EPS15: variants seen among roughly 807,000 people sequenced by gnomAD.
EPS15 encodes epidermal growth factor receptor pathway substrate 15, also known as epidermal growth factor receptor substrate 15.
In EPS15, 72 loss-of-function variants were observed where a neutral mutation model predicts 113.8. That is an observed-to-expected ratio of 0.63 (90% CI 0.52 to 0.77). EPS15 has a LOEUF of 0.77. Ranked by LOEUF, EPS15 falls within the 30% of genes least tolerant of loss-of-function variation. The pLI, the probability that EPS15 is intolerant of heterozygous loss-of-function variation, is 0.00. For missense variants in EPS15, 1,048 were observed against 1,045.8 expected (o/e 1.00, Z -0.03); for synonymous variants, 344 against 363.4 (o/e 0.95, Z 0.61).
intron 1 of EPS15, among the ~76,000 whole-genome samples, chr1:51,508,306 G>GAGAGAA: frequency 6.8e-5 from 9 of 132,888 alleles, no homozygotes; most frequent in African/African-American, 2.5e-4. Flanking sequence ...GAGAGAGAAA[G>GAGAGAA]AGAGAAAGAG....
At chr1:51,402,571 T>G (rs778052541) in intron 17 of EPS15, 46 bp from the exon 18 acceptor site, 3 of 998,166 alleles carry the variant, frequency 3.0e-6, no homozygotes. Context: ...AACCAAAGTT[T>G]TAAAAGGTAA....
At chr1:51,421,649 G>C in intron 13 of EPS15, 137 bp downstream of exon 13, 1 of 444,738 alleles carries the variant, frequency 2.2e-6, no homozygotes, top group Non-Finnish European at 3.8e-6. Context: ...TCTTGGAAAA[G>C]ATAAACATTT....
chr1:51,423,398 T>A, intron 12 of EPS15: 2 of 1,104,896 alleles, frequency 1.8e-6, no homozygotes, highest in Non-Finnish European at 2.2e-6. Flanking sequence ...GAAAAATTTC[T>A]GAAAATACCC....
intron 23 of EPS15, among the ~76,000 whole-genome samples, chr1:51,363,150 T>A (rs1481792270): frequency 2.0e-5 from 3 of 151,722 alleles, no homozygotes; most frequent in Non-Finnish European, 2.9e-5. Context: ...ATACAAAAAT[T>A]AGCCAGGCAT....
intron 1 of EPS15, among the ~76,000 whole-genome samples, chr1:51,508,385 A>AAAGAAAGAGAGAAAGAAAGAAAGG (rs1557537547): frequency 6.8e-5 from 10 of 146,268 alleles, no homozygotes; most frequent in Admixed American, 1.3e-4. Context: ...AGAAAGAAAG[A>AAAGAAAGAGAGAAAGAAAGAAAGG]GAAAATTTAA....
In EPS15 at chr1:51,356,549, A is replaced by C. The variant is rs2148333727; in HGVS notation, c.*151T>G. On this transcript the variant is annotated 3_prime_UTR_variant, in exon 25 of 25. Transcript: ENST00000371733. Reference sequence around the variant, plus strand: ...AAAAAAGACGAATCTGTAATGAAGAAAAAAAAAAAATCCTAAAATTTTGTC... The same window carrying C: ...AAAAAAGACGAATCTGTAATGAAGACAAAAAAAAAATCCTAAAATTTTGTC... 1.6e-6 allele frequency: 1 copy of C among 608,994 alleles called. No homozygotes were observed. Among genetic ancestry groups the C allele is most frequent in the Non-Finnish European group, 2.5e-6 (1 of 392,404 alleles). 37.7% of individuals were successfully genotyped at this position (608,994 alleles called of 1,614,324 possible).
At chr1:51,377,118 A>T (rs1646818644) in intron 21 of EPS15, among the ~76,000 whole-genome samples, 2 of 152,140 alleles carry the variant, frequency 1.3e-5, no homozygotes, top group Admixed American at 6.5e-5. Flanking sequence ...AATACAAAAA[A>T]TTAGCTGAGC....
intron 12 of EPS15, among the ~76,000 whole-genome samples, chr1:51,430,735 C>T (rs962924551): frequency 5.3e-5 from 8 of 151,924 alleles, no homozygotes; most frequent in Non-Finnish European, 7.4e-5. Context: ...GTGGGAGGAC[C>T]ACTTGAGCCA....
Position 51,356,873 on chromosome 1 carries a change from A to G in EPS15, c.2545-27T>C, listed in dbSNP as rs1322142855. ...TGCCATTTAAAAGATCGATGAACAA[A>G]CGAATAAATAAATGAGTAAAGCAAG... On this transcript the variant is annotated intron_variant, in intron 24 of 24. Coordinates refer to ENST00000371733, the MANE Select transcript of EPS15 (RefSeq NM_001981.3). The G allele has an allele frequency of 1.0e-5, 16 of 1,594,076 alleles. No individual in the cohort carries two copies. In the East Asian group the frequency reaches 3.6e-4, roughly 36 times the overall value.
chr1:51,402,114 C>T (rs1037557872), intron 18 of EPS15, among the ~76,000 whole-genome samples: 3 of 146,216 alleles, frequency 2.1e-5, no homozygotes, highest in African/African-American at 2.6e-5. Context: ...TCCAGCCTGG[C>T]GACAGAGCGA....
At chr1:51,366,063 C>A (rs111661694) in intron 21 of EPS15, 34 bp from the exon 22 acceptor site, 3 of 1,489,302 alleles carry the variant, frequency 2.0e-6, no homozygotes, top group South Asian at 1.2e-5. Flanking sequence ...TGAAACAGGA[C>A]AGTAAGACAT....
intron 21 of EPS15, among the ~76,000 whole-genome samples, chr1:51,373,746 T>C (rs1646718221): frequency 6.6e-6 from 1 of 152,102 alleles, no homozygotes; most frequent in Non-Finnish European, 1.5e-5. Context: ...AGGTCAGGAG[T>C]TCGAGACCAG....
chr1:51,490,379 C>A (rs1477744198), intron 1 of EPS15: 1 of 378,964 alleles, frequency 2.6e-6, no homozygotes, highest in Non-Finnish European at 5.2e-6. Context: ...GCCTGACCAT[C>A]ATGGTGAAAC....
At chr1:51,379,438 A>G (rs562277888) in intron 21 of EPS15, among the ~76,000 whole-genome samples, 1 of 152,266 alleles carries the variant, frequency 6.6e-6, no homozygotes, top group African/African-American at 2.4e-5. Flanking sequence ...CAATAAAATT[A>G]TCAGTGAATT....
At chr1:51,415,938 T>C (rs1375571845) in intron 13 of EPS15, among the ~76,000 whole-genome samples, 2 of 150,562 alleles carry the variant, frequency 1.3e-5, no homozygotes, top group African/African-American at 2.4e-5. Flanking sequence ...TACATGCTAA[T>C]AACAAATTTC....
chr1:51,386,917 T>G (rs571120569), intron 21 of EPS15, among the ~76,000 whole-genome samples: 1 of 152,186 alleles, frequency 6.6e-6, no homozygotes, highest in Non-Finnish European at 1.5e-5. Flanking sequence ...CCAGGAGAAC[T>G]TCCCCAATCT....
chr1:51,390,783 T>C (rs184076217), intron 21 of EPS15, among the ~76,000 whole-genome samples: 2,465 of 152,156 alleles, frequency 0.016, 40 homozygotes, highest in Non-Finnish European at 0.02. Flanking sequence ...TCACACCAGT[T>C]AGAATGGCAA....
intron 21 of EPS15, among the ~76,000 whole-genome samples, chr1:51,371,321 C>T (rs1056093429): frequency 1.3e-5 from 2 of 152,098 alleles, no homozygotes; most frequent in Non-Finnish European, 1.5e-5. Flanking sequence ...GCATTGTTAT[C>T]GTAAGAGATG....
chr1:51,519,258 A>T lies in EPS15; in HGVS notation c.-27T>A, dbSNP rs575401353. The T allele has an allele frequency of 4.9e-6, 6 of 1,232,240 alleles. No homozygotes were observed. The South Asian group carries it at 8.9e-5, about 18-fold the overall frequency. The allele number at this position is 1,232,240 out of a possible 1,614,324, so 76.3% of individuals were successfully genotyped here. On this transcript the variant is annotated 5_prime_UTR_variant, in exon 1 of 25. Transcript: ENST00000371733. ...GTGTTTCCATCATGCAAGGGAGGGG[A>T]AGGAAGACGGGCTGACTGGGGCTCG...
Sources: allele counts gnomAD v4.1 joint callset (sites outside exome capture counted in the v4.1 genomes callset), GRCh38; gene constraint gnomAD v4.1.1; transcripts MANE v1.5; gene names NCBI Gene and HGNC (gene_info 2026-07-23, HGNC 2026-07-21).